The following CUBN variants were observed in gnomAD, a reference collection of about 807,000 sequenced individuals.
CUBN encodes the protein cubilin, also known as 460 kDa receptor.
CUBN carries 282 observed loss-of-function variants against 405.3 expected under a neutral mutation model. The ratio of observed to expected loss-of-function variants is 0.70; its 90% CI spans 0.63 to 0.77. The LOEUF (loss-of-function observed/expected upper bound fraction) is 0.77, where lower values mean the gene tolerates loss of function less well. Ranked by LOEUF, CUBN falls within the 30% of genes least tolerant of loss-of-function variation. The pLI is 0.00. For missense variants in CUBN, 4,514 were observed against 4,475.2 expected (o/e 1.01, Z -0.25); for synonymous variants, 1,684 against 1,617.0 (o/e 1.04, Z -0.99).
chr10:17,097,931 C>T (rs1015615675), intron 14 of CUBN, among the ~76,000 whole-genome samples: 6 of 152,042 alleles, frequency 3.9e-5, no homozygotes, highest in Non-Finnish European at 8.8e-5. Context: ...TATGTCCCCT[C>T]GCCTTGAATT....
At chr10:17,090,498 T>C (rs1232886090) in intron 14 of CUBN, among the ~76,000 whole-genome samples, 1 of 151,622 alleles carries the variant, frequency 6.6e-6, no homozygotes, top group Non-Finnish European at 1.5e-5. Flanking sequence ...TAAAGCAAAA[T>C]TTGAGAAAAA....
At chr10:16,933,686 G>A (rs911944227) in intron 39 of CUBN, among the ~76,000 whole-genome samples, 1 of 151,960 alleles carries the variant, frequency 6.6e-6, no homozygotes, top group African/African-American at 2.4e-5. Flanking sequence ...GCAATTTTGA[G>A]TTGACAGATT....
chr10:16,919,831 C>A (rs948624450), intron 44 of CUBN, 132 bp downstream of exon 44: 12 of 992,572 alleles, frequency 1.2e-5, no homozygotes, highest in Non-Finnish European at 1.7e-5. Context: ...AGGCCTGAGC[C>A]ATTAAGCATT....
rs145818316 is a variant in CUBN, at chr10:17,103,149, C to T, written c.1506G>A (p.Trp502Ter). The T allele has an allele frequency of 6.2e-7, 1 of 1,612,908 alleles. No homozygotes were observed. The highest frequency in any genetic ancestry group is 1.3e-5 in the African/African-American group (1 of 74,802). The change falls in exon 13 of 67, where the codon TGG becomes TGA. Residue 502 changes from tryptophan (W) to a stop codon, truncating the protein, a stop_gained. Coordinates refer to ENST00000377833, the MANE Select transcript of CUBN (RefSeq NM_001081.4). LOFTEE classifies it high-confidence loss of function. Reference sequence around the variant, plus strand: ...CCTTTCCCATTTCAGTTTTGATAACCCAGAAGCAGTTAACATCATGAACAT... The same window carrying T: ...CCTTTCCCATTTCAGTTTTGATAACTCAGAAGCAGTTAACATCATGAACAT... ...VGYVHDVNCF[W>*]VIKTEMGKVL...
chr10:17,083,163 G>T lies in CUBN; in HGVS notation c.2301+1108C>A, dbSNP rs181531760. 2.8e-4 allele frequency among the ~76,000 whole-genome samples: 43 copies of T among 152,088 alleles called. 3 individuals are homozygous for T. The highest frequency in any genetic ancestry group is 2.6e-3 in the Admixed American group (40 of 15,268). On this transcript the variant is annotated intron_variant, in intron 17 of 66. Coordinates refer to ENST00000377833, the MANE Select transcript of CUBN (RefSeq NM_001081.4). ...TAAGAGACTTTAGAAAACCTAAATT[G>T]AATAAATATACCCATTCTGAAATGA...
chr10:16,855,677 A>G (rs1328484640), intron 59 of CUBN, among the ~76,000 whole-genome samples: 2 of 152,230 alleles, frequency 1.3e-5, no homozygotes, highest in African/African-American at 4.8e-5. Context: ...TCATGGTAAT[A>G]GCAGACTAAT....
intron 31 of CUBN, among the ~76,000 whole-genome samples, chr10:16,957,228 T>C (rs904311422): frequency 2.6e-5 from 4 of 152,182 alleles, no homozygotes; most frequent in Non-Finnish European, 2.9e-5. Context: ...ACCACTATTC[T>C]ACCCTGTACT....
chr10:16,862,832 T>C (rs1001159739), intron 59 of CUBN, among the ~76,000 whole-genome samples: 5 of 152,218 alleles, frequency 3.3e-5, no homozygotes, highest in African/African-American at 1.2e-4. Context: ...TTACACATAA[T>C]AAGTGCTTCT....
At chr10:16,973,830 C>G (rs929038638) in intron 31 of CUBN, among the ~76,000 whole-genome samples, 1 of 152,164 alleles carries the variant, frequency 6.6e-6, no homozygotes, top group African/African-American at 2.4e-5. Context: ...CTTGTTCATT[C>G]TTGTGGCTGT....
chr10:16,999,475 G>A (rs1333979602), intron 28 of CUBN, among the ~76,000 whole-genome samples: 2 of 152,124 alleles, frequency 1.3e-5, no homozygotes, highest in Admixed American at 6.5e-5. Context: ...GAAATCCCTT[G>A]CTTACAATTC....
At chr10:16,902,019 T>C (rs1420071817) in intron 51 of CUBN, among the ~76,000 whole-genome samples, 1 of 68,650 alleles carries the variant, frequency 1.5e-5, no homozygotes, top group Non-Finnish European at 2.8e-5. Context: ...ACACACACCA[T>C]ATATAGTGTG....
intron 10 of CUBN, among the ~76,000 whole-genome samples, chr10:17,107,250 G>A (rs1395762216): frequency 6.6e-6 from 1 of 152,120 alleles, no homozygotes; most frequent in African/African-American, 2.4e-5. Context: ...AATATCCAGA[G>A]AGTTTTCCAG....
intron 14 of CUBN, among the ~76,000 whole-genome samples, chr10:17,098,424 C>G (rs115963586): frequency 6.6e-6 from 1 of 152,320 alleles, no homozygotes; most frequent in African/African-American, 2.4e-5. Flanking sequence ...GGAAAGAACA[C>G]TCTTCATCTG....
chr10:16,913,416 C>T (rs759039540), intron 48 of CUBN, among the ~76,000 whole-genome samples: 3 of 152,110 alleles, frequency 2.0e-5, no homozygotes, highest in South Asian at 2.1e-4. Context: ...TCCCTCTGTA[C>T]CCCTGGAGAG....
chr10:17,114,479 C>T (rs1373049204), intron 7 of CUBN, among the ~76,000 whole-genome samples: 2 of 152,160 alleles, frequency 1.3e-5, no homozygotes, highest in Non-Finnish European at 2.9e-5. Context: ...AGTCAATCAA[C>T]TCAGCCTGCT....
chr10:16,854,211 T>C (rs1405503409), intron 59 of CUBN, among the ~76,000 whole-genome samples: 1 of 152,150 alleles, frequency 6.6e-6, no homozygotes, highest in Non-Finnish European at 1.5e-5. Context: ...AATCTCTTGA[T>C]CCAAGGCTAA....
At chr10:16,975,346 T>C (rs1833059467) in intron 31 of CUBN, among the ~76,000 whole-genome samples, 1 of 152,232 alleles carries the variant, frequency 6.6e-6, no homozygotes, top group Admixed American at 6.5e-5. Context: ...TATGGCAGTG[T>C]TCATAGAAAA....
At chr10:16,913,199 T>G (rs10752063) in intron 48 of CUBN, among the ~76,000 whole-genome samples, 107,131 of 152,014 alleles carry the variant, frequency 0.7, 38,195 homozygotes, top group African/African-American at 0.79. Context: ...GTTGGGTGGA[T>G]AAATTTACTA....
chr10:16,936,918 T>C (rs1256914716), intron 39 of CUBN, among the ~76,000 whole-genome samples: 2 of 152,118 alleles, frequency 1.3e-5, no homozygotes, highest in African/African-American at 2.4e-5. Flanking sequence ...GGTTTTGCCA[T>C]GTTGGCCAGG....
Sources: gnomAD v4.1 joint callset for allele counts (sites outside exome capture counted in the v4.1 genomes callset) on GRCh38, gnomAD v4.1.1 for gene constraint, MANE v1.5 for transcripts, NCBI Gene and HGNC (gene_info 2026-07-23, HGNC 2026-07-21) for gene names.